Variants in HSP90B1 observed in about 807,000 individuals in gnomAD.
The protein encoded by HSP90B1 is endoplasmin.
A neutral mutation model predicts 100.4 loss-of-function variants in HSP90B1; 27 were observed. The observed-to-expected ratio is 0.27, with a 90% confidence interval of 0.20 to 0.37. The LOEUF (loss-of-function observed/expected upper bound fraction) is 0.37, where lower values mean the gene tolerates loss of function less well. Among genes scored for constraint, HSP90B1 ranks in the 10% least tolerant of loss-of-function variants. HSP90B1 has a pLI of 1.00. For missense variants in HSP90B1, 678 were observed against 960.5 expected (o/e 0.71, Z 3.89); for synonymous variants, 304 against 330.8 (o/e 0.92, Z 0.88).
At chr12:103,940,846 T>C (rs1386155958) in intron 8 of HSP90B1, among the ~76,000 whole-genome samples, 1 of 152,238 alleles carries the variant, frequency 6.6e-6, no homozygotes, top group Non-Finnish European at 1.5e-5. Flanking sequence ...AAAATGTATT[T>C]TACACTTTAA....
At chr12:103,942,910 G>A (rs760071873) in intron 12 of HSP90B1, 114 bp downstream of exon 12, 15 of 1,426,094 alleles carry the variant, frequency 1.1e-5, no homozygotes, top group African/African-American at 1.4e-5. Flanking sequence ...GTAGTTATAA[G>A]GCCTGGTCAG....
In HSP90B1 at chr12:103,934,083, A is replaced by C; in HGVS notation, c.539A>C (p.Glu180Ala). 1 of 1,614,250 alleles carries C rather than the reference A, an allele frequency of 6.2e-7. No homozygotes were observed. Among genetic ancestry groups the C allele is most frequent in the African/African-American group, 1.3e-5 (1 of 75,070 alleles). The change falls in exon 5 of 18, where the codon GAA becomes GCA. Residue 180 changes from glutamate (E) to alanine (A), a missense_variant. Glu to Ala is a moderately radical substitution (Grantham distance 107). Around this residue, in one of 8 missense-constraint regions of HSP90B1, gnomAD observed 238 missense variants for 346.7 expected, o/e 0.69. Transcript: ENST00000299767. ...GTSEFLNKMT[E>A]AQEDGQSTSE... ...AGCGAGTTTTTAAACAAAATGACTG[A>C]AGCACAGGAAGATGGCCAGTCAACT...
chr12:103,932,737 G>A, intron 3 of HSP90B1, 89 bp from the exon 4 acceptor site: 1 of 771,106 alleles, frequency 1.3e-6, no homozygotes. Context: ...ATAAGGTACA[G>A]AGAAGAAATA....
At chr12:103,936,001 T>A (rs1869903598) in intron 5 of HSP90B1, among the ~76,000 whole-genome samples, 1 of 152,276 alleles carries the variant, frequency 6.6e-6, no homozygotes, top group Admixed American at 6.5e-5. Context: ...CTAGTTTCCA[T>A]GACCATGCAT....
chr12:103,941,320 A>G, intron 8 of HSP90B1, 90 bp from the exon 9 acceptor site: 3 of 1,341,196 alleles, frequency 2.2e-6, no homozygotes, highest in Middle Eastern at 2.7e-4. Flanking sequence ...TAATTGCTAA[A>G]CTGAATATGT....
intron 8 of HSP90B1, among the ~76,000 whole-genome samples, chr12:103,940,791 TAATG>T (rs973487677): frequency 1.5e-4 from 23 of 152,208 alleles, no homozygotes; most frequent in African/African-American, 5.3e-4. Context: ...TAAAAACTAA[TAATG>T]AGACATTTTA....
At position 103,934,221 on chromosome 12, in the gene HSP90B1, A is replaced by C. The variant is rs543216677; in HGVS notation, c.677A>C (p.Asp226Ala). 6.2e-7 allele frequency: 1 copy of C among 1,614,154 alleles called. No individual in the cohort carries two copies. The highest frequency in any genetic ancestry group is 8.5e-7 in the Non-Finnish European group (1 of 1,180,022). ...GATACCCAGCACATCTGGGAGTCTG[A>C]CTCCAATGAATTTTCTGTAATTGCT... ...NNDTQHIWESDSNEFSVIADP... is the reference protein window; with the variant it reads ...NNDTQHIWESASNEFSVIADP... Residue 226 changes from aspartate (D) to alanine (A), a missense_variant, in exon 5 of 18, where the codon GAC becomes GCC. Physicochemically the swap from Asp to Ala is moderately radical, Grantham distance 126. This residue lies in a region of HSP90B1 where 238 missense variants were observed against 346.7 expected (regional missense o/e 0.69). Transcript: ENST00000299767.
intron 5 of HSP90B1, among the ~76,000 whole-genome samples, chr12:103,935,197 C>T (rs559671847): frequency 1.1e-4 from 16 of 152,114 alleles, no homozygotes; most frequent in Non-Finnish European, 1.3e-4. Context: ...GAATAAAATA[C>T]GTCATTTAAG....
chr12:103,944,716 C>A (rs7300034), intron 14 of HSP90B1, among the ~76,000 whole-genome samples: 12,879 of 152,088 alleles, frequency 0.085, 721 homozygotes, highest in East Asian at 0.21. Context: ...GTCAGCACAC[C>A]CGCTAATTTT....
rs1870252665 is a variant in HSP90B1 at position 103,946,930 on chromosome 12, C to T, written c.2251C>T (p.Pro751Ser). Residue 751 changes from proline to serine, a missense_variant, in exon 16 of 18, where the codon CCT (proline) becomes TCT (serine). Pro to Ser is a moderately conservative substitution (Grantham distance 74). Transcript: ENST00000299767. Reference sequence around the variant, plus strand: ...GCTTCGCCTCAGTTTGAACATTGACCCTGATGCAAAGGTTTGTATCCCCAA... The same window carrying T: ...GCTTCGCCTCAGTTTGAACATTGACTCTGATGCAAAGGTTTGTATCCCCAA... ...RMLRLSLNID[P>S]DAKVEEEPEE... The T allele has an allele frequency of 6.2e-7, 1 of 1,612,376 alleles. No homozygotes were observed. The highest frequency in any genetic ancestry group is 8.5e-7 in the Non-Finnish European group (1 of 1,179,584).
intron 14 of HSP90B1, among the ~76,000 whole-genome samples, chr12:103,946,034 G>A (rs941594404): frequency 2.0e-5 from 3 of 152,114 alleles, no homozygotes; most frequent in African/African-American, 4.8e-5. Context: ...AGGTAAAGTC[G>A]TGCCGTATTT....
At chr12:103,941,954 C>A in intron 11 of HSP90B1, 57 bp downstream of exon 11, 2 of 1,316,948 alleles carry the variant, frequency 1.5e-6, no homozygotes, top group Middle Eastern at 1.8e-4. Context: ...GTTCAGAGGA[C>A]AGGCTCCATT....
At chr12:103,945,554 G>A (rs1185472659) in intron 14 of HSP90B1, among the ~76,000 whole-genome samples, 1 of 152,118 alleles carries the variant, frequency 6.6e-6, no homozygotes, top group Non-Finnish European at 1.5e-5. Context: ...CGTGGAGAAG[G>A]TATTATTATT....
At chr12:103,932,135 G>A (rs534118303) in intron 2 of HSP90B1, 142 bp from the exon 3 acceptor site, 85 of 584,288 alleles carry the variant, frequency 1.5e-4, no homozygotes, top group East Asian at 1.2e-4. Context: ...ATAATGAGAC[G>A]GTATATCAGT....
rs1349213934 is a variant in HSP90B1, at chr12:103,930,461, G to C, written c.-55G>C. ...GTGAGGATCCGAACCCAGGGGTGGG[G>C]GGTGGAGGCGGCTCCTGCGATCGAA... On this transcript the variant is annotated 5_prime_UTR_variant, in exon 1 of 18. Transcript: ENST00000299767. The surrounding 1 kb of genome is among the most constrained non-coding windows in gnomAD (Gnocchi z 4.4). 2.6e-6 allele frequency: 4 copies of C among 1,539,282 alleles called. No homozygotes were observed. The African/African-American group carries it at 4.1e-5, about 16-fold the overall frequency.
At chr12:103,945,996 C>G (rs1870215995) in intron 14 of HSP90B1, among the ~76,000 whole-genome samples, 2 of 152,138 alleles carry the variant, frequency 1.3e-5, no homozygotes, top group South Asian at 4.1e-4. Context: ...CCCATGGATA[C>G]CAAAATCCAC....
At chr12:103,946,755 T>C (rs765682497) in intron 15 of HSP90B1, 31 bp from the exon 16 acceptor site, 4 of 1,613,430 alleles carry the variant, frequency 2.5e-6, no homozygotes, top group Non-Finnish European at 3.4e-6. Flanking sequence ...TATCTTTTAA[T>C]ATTAATCTAG....
rs962961320 is a variant in HSP90B1 at position 103,934,198 on chromosome 12, T to C, written c.654T>C (p.Asp218=). 3.7e-6 allele frequency: 6 copies of C among 1,614,174 alleles called. No individual in the cohort carries two copies. The highest frequency in any genetic ancestry group is 5.1e-6 in the Non-Finnish European group (6 of 1,180,004). ...KVIVTSKHNN[D]TQHIWESDSN... is the part of the protein sequence containing the mutation. The stretch of plus-strand genomic sequence containing the variant: ...TTGTCACTTCAAAACACAACAACGA[T>C]ACCCAGCACATCTGGGAGTCTGACT... The change falls in exon 5 of 18, where the codon GAT becomes GAC. Residue 218 remains aspartate (D), a synonymous_variant. Transcript: ENST00000299767.
At position 103,938,392 on chromosome 12, in the gene HSP90B1, A is replaced by G. The variant is rs1869979987; in HGVS notation, c.908A>G (p.Lys303Arg). 1 of 1,585,134 alleles carries G rather than the reference A, an allele frequency of 6.3e-7. No individual in the cohort carries two copies. Among genetic ancestry groups the G allele is most frequent in the Non-Finnish European group, 8.6e-7 (1 of 1,160,208 alleles). ...MEEEEAAKEEKEESDDEAAVE... is the reference protein window; with the variant it reads ...MEEEEAAKEEREESDDEAAVE... ...GAAGAAGAAGCAGCCAAAGAAGAGAAAGAAGAATCTGATGATGAAGCTGCA... is the reference window on the plus strand; with the variant it reads ...GAAGAAGAAGCAGCCAAAGAAGAGAGAGAAGAATCTGATGATGAAGCTGCA... Residue 303 changes from lysine (K) to arginine (R), a missense_variant, in exon 7 of 18, where the codon AAA becomes AGA. Physicochemically the swap from Lys to Arg is conservative, Grantham distance 26. Around this residue, in one of 8 missense-constraint regions of HSP90B1, gnomAD observed 238 missense variants for 346.7 expected, o/e 0.69. Transcript: ENST00000299767.
Sources: allele counts gnomAD v4.1 joint callset (sites outside exome capture counted in the v4.1 genomes callset), GRCh38; gene constraint gnomAD v4.1.1; regional missense constraint gnomAD v4.1.1; non-coding constraint Gnocchi (gnomAD v3.1); transcripts MANE v1.5; gene names NCBI Gene and HGNC (gene_info 2026-07-23, HGNC 2026-07-21).